The following MLLT3 variants were observed in gnomAD, a reference collection of about 807,000 sequenced individuals.
MLLT3 encodes protein AF-9.
MLLT3 carries 4 observed loss-of-function variants against 53.2 expected under a neutral mutation model. The ratio of observed to expected loss-of-function variants is 0.08; its 90% CI spans 0.04 to 0.17. The LOEUF (loss-of-function observed/expected upper bound fraction) is 0.17. Among genes scored for constraint, MLLT3 ranks in the 10% least tolerant of loss-of-function variants. The pLI is 1.00. For synonymous variants in MLLT3, 283 were observed against 230.6 expected, an observed-to-expected ratio of 1.23 and a Z score of -2.06; for missense variants, 569 against 684.0, an observed-to-expected ratio of 0.83 and a Z score of 1.87.
chr9:20,580,609 C>A (rs190867156), intron 2 of MLLT3, among the ~76,000 whole-genome samples: 1 of 152,210 alleles, frequency 6.6e-6, no homozygotes, highest in East Asian at 1.9e-4. Context: ...AAGACCAAGG[C>A]TGCTAATCAA....
chr9:20,510,306 T>G (rs1286171861), intron 2 of MLLT3, among the ~76,000 whole-genome samples: 1 of 152,160 alleles, frequency 6.6e-6, no homozygotes, highest in Non-Finnish European at 1.5e-5. Context: ...TTGGCAGAGA[T>G]ACACAAATAA....
intron 4 of MLLT3, among the ~76,000 whole-genome samples, chr9:20,437,692 A>G (rs1175455239): frequency 6.6e-6 from 1 of 152,198 alleles, no homozygotes; most frequent in African/African-American, 2.4e-5. Flanking sequence ...ACATCTTAAA[A>G]CTGGAACATA....
At chr9:20,427,183 A>G (rs75518809) in intron 4 of MLLT3, among the ~76,000 whole-genome samples, 4,879 of 152,188 alleles carry the variant, frequency 0.032, 241 homozygotes, top group African/African-American at 0.11. Context: ...TCAAATGCAG[A>G]CTATAAATAA....
chr9:20,490,583 G>T (rs1824922935), intron 2 of MLLT3, among the ~76,000 whole-genome samples: 1 of 152,188 alleles, frequency 6.6e-6, no homozygotes, highest in Non-Finnish European at 1.5e-5. Flanking sequence ...CCAGAGCCCA[G>T]CTGGCAACAC....
At chr9:20,486,969 C>A (rs908989765) in intron 2 of MLLT3, among the ~76,000 whole-genome samples, 2 of 152,074 alleles carry the variant, frequency 1.3e-5, no homozygotes, top group African/African-American at 4.8e-5. Flanking sequence ...AATAAAATCA[C>A]CTTAACTTCA....
chr9:20,435,953 T>C (rs1277516990), intron 4 of MLLT3, among the ~76,000 whole-genome samples: 2 of 152,022 alleles, frequency 1.3e-5, no homozygotes, highest in East Asian at 1.9e-4. Context: ...GAGGCCAAAG[T>C]AGCTCCCCCA....
At chr9:20,494,663 G>A (rs1825032491) in intron 2 of MLLT3, among the ~76,000 whole-genome samples, 1 of 152,058 alleles carries the variant, frequency 6.6e-6, no homozygotes, top group South Asian at 2.1e-4. Flanking sequence ...AGTGGTGACA[G>A]CTAAAAAGTC....
rs188089002 is a variant in MLLT3, at chr9:20,344,656, T to G, written c.*1787A>C. 3.6e-4 allele frequency: 76 copies of G among 208,842 alleles called. No individual in the cohort carries two copies. Among genetic ancestry groups the G allele is most frequent in the Non-Finnish European group, 1.1e-4 (11 of 102,496 alleles). The allele number at this position is 208,842 out of a possible 1,614,324, so 12.9% of individuals were successfully genotyped here. ...TCAGAGAAATAATTTACAAGGAGCA[T>G]GGCTGTATTATAATTTTTTAAAGGA... On this transcript the variant is annotated 3_prime_UTR_variant, in exon 11 of 11. Transcript: ENST00000380338.
intron 2 of MLLT3, among the ~76,000 whole-genome samples, chr9:20,589,621 A>T (rs1587107477): frequency 6.6e-6 from 1 of 151,922 alleles, no homozygotes; most frequent in East Asian, 1.9e-4. Flanking sequence ...ATAAAAAAAG[A>T]ATTTGAGAAT....
intron 5 of MLLT3, among the ~76,000 whole-genome samples, chr9:20,387,998 C>T (rs1822084065): frequency 6.6e-6 from 1 of 152,116 alleles, no homozygotes; most frequent in South Asian, 2.1e-4. Context: ...CCCAAAAATA[C>T]CTAATCAAAT....
At chr9:20,367,125 C>T (rs1821476330) in intron 5 of MLLT3, among the ~76,000 whole-genome samples, 1 of 152,158 alleles carries the variant, frequency 6.6e-6, no homozygotes, top group Non-Finnish European at 1.5e-5. Flanking sequence ...TCTTTAATTC[C>T]ACAACCTATT....
At chr9:20,601,308 G>A (rs977738622) in intron 2 of MLLT3, among the ~76,000 whole-genome samples, 2 of 152,272 alleles carry the variant, frequency 1.3e-5, no homozygotes, top group South Asian at 4.1e-4. Flanking sequence ...ATAGAAAGTA[G>A]AAAGTTTATT....
At chr9:20,430,605 T>A (rs2118813844) in intron 4 of MLLT3, among the ~76,000 whole-genome samples, 1 of 152,180 alleles carries the variant, frequency 6.6e-6, no homozygotes, top group African/African-American at 2.4e-5. Context: ...ATACATAAAA[T>A]CAATTCCAGA....
At chr9:20,562,419 T>C (rs1486235494) in intron 2 of MLLT3, among the ~76,000 whole-genome samples, 1 of 151,920 alleles carries the variant, frequency 6.6e-6, no homozygotes, top group African/African-American at 2.4e-5. Context: ...ACCTCAAAAG[T>C]AACATGTAAA....
intron 4 of MLLT3, among the ~76,000 whole-genome samples, chr9:20,434,466 G>C (rs375265712): frequency 6.6e-6 from 1 of 152,108 alleles, no homozygotes; most frequent in Admixed American, 6.5e-5. Context: ...ATGCACAGTG[G>C]ACTAAGGGAC....
chr9:20,394,058 TTC>T (rs770759443), intron 5 of MLLT3, among the ~76,000 whole-genome samples: 5 of 152,188 alleles, frequency 3.3e-5, no homozygotes, highest in Non-Finnish European at 7.3e-5. Context: ...CCATCCCTGA[TTC>T]TGATTCTTTC....
At chr9:20,348,547 A>G (rs2118588483) in intron 10 of MLLT3, among the ~76,000 whole-genome samples, 1 of 152,318 alleles carries the variant, frequency 6.6e-6, no homozygotes, top group Non-Finnish European at 1.5e-5. Flanking sequence ...GGCATCTTTT[A>G]AGCCACTATC....
intron 2 of MLLT3, among the ~76,000 whole-genome samples, chr9:20,603,717 T>C (rs1820494728): frequency 6.6e-6 from 1 of 152,086 alleles, no homozygotes; most frequent in Non-Finnish European, 1.5e-5. Context: ...GTACTCATTG[T>C]GCCCTTAATT....
At chr9:20,378,859 C>G (rs1239145201) in intron 5 of MLLT3, among the ~76,000 whole-genome samples, 1 of 151,988 alleles carries the variant, frequency 6.6e-6, no homozygotes, top group African/African-American at 2.4e-5. Context: ...GAGGTAGATT[C>G]TTCTGTTGTG....
Sources: gnomAD v4.1 joint callset for allele counts (sites outside exome capture counted in the v4.1 genomes callset) on GRCh38, gnomAD v4.1.1 for gene constraint, MANE v1.5 for transcripts, NCBI Gene and HGNC (gene_info 2026-07-23, HGNC 2026-07-21) for gene names.